The following ISG20 variants were observed in gnomAD, a reference collection of about 807,000 sequenced individuals.
The protein encoded by ISG20 is interferon-stimulated gene 20 kDa protein.
A neutral mutation model predicts 11.1 loss-of-function variants in ISG20; 8 were observed. The ratio of observed to expected loss-of-function variants is 0.72; its 90% CI spans 0.42 to 1.30. The LOEUF is 1.30. ISG20 is among the 50% of genes most tolerant of loss of function. The pLI is 0.01. For missense variants in ISG20, 243 were observed against 250.2 expected (o/e 0.97, Z 0.19); for synonymous variants, 110 against 101.7 (o/e 1.08, Z -0.49).
At chr15:88,638,571 T>C (rs2058022332), upstream of ISG20, among the ~76,000 whole-genome samples, 1 of 152,156 alleles carries the variant, frequency 6.6e-6, no homozygotes, top group African/African-American at 2.4e-5. Context: ...TCCTGCCCAT[T>C]CCAATAAAAG....
At chr15:88,652,602 C>T (rs370987320) in intron 3 of ISG20, among the ~76,000 whole-genome samples, 4 of 89,374 alleles carry the variant, frequency 4.5e-5, no homozygotes, top group East Asian at 3.4e-4. Context: ...GCTCTTCTCC[C>T]CTTCTTCCCC....
At chr15:88,652,348 T>TCCCCCTCCTCCC in intron 3 of ISG20, 38 bp downstream of exon 3, 1 of 856,088 alleles carries the variant, frequency 1.2e-6, no homozygotes, top group Non-Finnish European at 1.5e-6. Context: ...TCCCCCCTCC[T>TCCCCCTCCTCCC]CCCCCTCCTC....
At chr15:88,651,017 C>T (rs1012289457) in intron 2 of ISG20, 4 of 171,626 alleles carry the variant, frequency 2.3e-5, no homozygotes, top group Non-Finnish European at 4.7e-5. Flanking sequence ...ACCTGCCTCA[C>T]CTCCCAAAGT....
At position 88,649,771 on chromosome 15, in the gene ISG20, T is replaced by C. The variant is rs115309070; in HGVS notation, c.229-2339T>C. The C allele has an allele frequency of 4.4e-3, 738 of 167,918 alleles. 5 individuals are homozygous for C. The highest frequency in any genetic ancestry group is 0.016 in the African/African-American group (690 of 42,016). 10.4% of individuals were successfully genotyped at this position (167,918 alleles called of 1,614,324 possible). A position where few individuals can be genotyped will look rare whatever the true frequency, so the allele number is the denominator to read the frequency against. On this transcript the variant is annotated intron_variant, in intron 2 of 3. Transcript: ENST00000306072. ...TAGCACACTCAAGTTTGAGAAGCGC[T>C]GGTGTGGTTCAGGAGCAGCGCCCCT...
chr15:88,654,490 G>A (rs1173168736), intron 3 of ISG20, among the ~76,000 whole-genome samples: 5 of 152,218 alleles, frequency 3.3e-5, no homozygotes, highest in Non-Finnish European at 7.3e-5. Flanking sequence ...GTCCTCTCTC[G>A]ACAGAGGGAC....
chr15:88,641,211 G>C (rs889077163), intron 2 of ISG20, among the ~76,000 whole-genome samples: 2 of 152,088 alleles, frequency 1.3e-5, no homozygotes, highest in Non-Finnish European at 2.9e-5. Flanking sequence ...GGCCAGGCTG[G>C]TCTCGCTCGA....
In ISG20 at chr15:88,639,316, G is replaced by T. The variant is rs1464517065; in HGVS notation, c.-24-27G>T. On this transcript the variant is annotated intron_variant, in intron 1 of 3. Coordinates refer to ENST00000306072, the MANE Select transcript of ISG20 (RefSeq NM_002201.6). This position sits in a 1 kb window ranked among gnomAD's most constrained non-coding sequence, Gnocchi z 4.2. ...GGAGGCTTGGTTTGCCCAAGCGTGA[G>T]ACCGCCCCCCATACCCCTCTCTCCA... The T allele has an allele frequency of 6.9e-7, 1 of 1,447,870 alleles. No individual in the cohort carries two copies. The highest frequency in any genetic ancestry group is 1.2e-5 in the South Asian group (1 of 80,274). The allele number at this position is 1,447,870 out of a possible 1,614,324, so 89.7% of individuals were successfully genotyped here.
intron 2 of ISG20, chr15:88,649,389 C>T (rs1356930588): frequency 6.6e-6 from 1 of 152,216 alleles, no homozygotes; most frequent in African/African-American, 2.4e-5. Flanking sequence ...GATGGGTTTC[C>T]TGGGAATCCA....
In ISG20 at chr15:88,643,766, G is replaced by A. The variant is rs2141393156; in HGVS notation, c.228+4172G>A. On this transcript the variant is annotated intron_variant, in intron 2 of 3. Coordinates refer to ENST00000306072, the MANE Select transcript of ISG20 (RefSeq NM_002201.6). This position sits in a 1 kb window ranked among gnomAD's most constrained non-coding sequence, Gnocchi z 4.4. ...ATTTCTATTGGACAACACTGTTCTAGAAGTACAGATTGAGTAGCCCTTATC... is the reference window on the plus strand; with the variant it reads ...ATTTCTATTGGACAACACTGTTCTAAAAGTACAGATTGAGTAGCCCTTATC... 6.6e-6 allele frequency among the ~76,000 whole-genome samples: 1 copy of A among 152,282 alleles called. No homozygotes were observed. Among genetic ancestry groups the A allele is most frequent in the African/African-American group, 2.4e-5 (1 of 41,552 alleles).
Position 88,655,499 on chromosome 15 carries a change from C to A in ISG20, c.514C>A (p.Arg172=). ...AATCTCCCAGAGAATCCGAGCCCGC[C>A]GAGGGCTGCCCCGCCTGGCTGTGTC... ...YQISQRIRAR[R]GLPRLAVSD Residue 172 remains arginine, a synonymous_variant, in exon 4 of 4, where the codon CGA becomes AGA. Transcript: ENST00000306072. The A allele has an allele frequency of 1.2e-6, 2 of 1,613,766 alleles. No homozygotes were observed. Among genetic ancestry groups the A allele is most frequent in the African/African-American group, 2.7e-5 (2 of 75,054 alleles).
chr15:88,651,841 TACTC>T (rs2058279241), intron 2 of ISG20: 2 of 1,306,252 alleles, frequency 1.5e-6, no homozygotes, highest in Non-Finnish European at 2.0e-6. Flanking sequence ...ACCTGGGAAA[TACTC>T]AGGATGTACT....
chr15:88,655,597 CT>C lies in ISG20; in HGVS notation c.*70del. 8.7e-7 allele frequency: 1 copy of C among 1,143,428 alleles called. No homozygotes were observed. Among genetic ancestry groups the C allele is most frequent in the East Asian group, 2.4e-5 (1 of 42,318 alleles). 70.8% of individuals were successfully genotyped at this position (1,143,428 alleles called of 1,614,324 possible). On this transcript the variant is annotated 3_prime_UTR_variant, in exon 4 of 4. Transcript: ENST00000306072. ...GCTTTTTGGGACAGCAACTACCTTG[CT>C]TTTGGAAAATACATTTTTAATAGTA...
Position 88,650,589 on chromosome 15 carries a change from G to C in ISG20, c.229-1521G>C. 1.5e-6 allele frequency: 1 copy of C among 662,022 alleles called. No homozygotes were observed. The highest frequency in any genetic ancestry group is 2.2e-6 in the Non-Finnish European group (1 of 447,356). The allele number at this position is 662,022 out of a possible 1,614,324, so 41.0% of individuals were successfully genotyped here. ...CGCTCGGCCACCTGCAGTTTGGGCA[G>C]GTGCTCTGCAGCAGGACAGGCCGTC... On this transcript the variant is annotated intron_variant, in intron 2 of 3. Transcript: ENST00000306072. This position sits in a 1 kb window ranked among gnomAD's most constrained non-coding sequence, Gnocchi z 4.0.
chr15:88,654,927 C>T (rs1487554903), intron 3 of ISG20, among the ~76,000 whole-genome samples: 1 of 152,224 alleles, frequency 6.6e-6, no homozygotes, highest in Admixed American at 6.5e-5. Flanking sequence ...CCCCCTGCCC[C>T]CACCCTCGCA....
rs766653600 is a variant in ISG20, at chr15:88,652,224, C to CT, written c.344dup (p.Leu116ValfsTer4). 1.2e-6 allele frequency: 2 copies of CT among 1,614,062 alleles called. No individual in the cohort carries two copies. The highest frequency in any genetic ancestry group is 2.2e-5 in the South Asian group (2 of 91,084). ...AATCTACGACACGTCCACTGACAGG[C>CT]TGTTGTGGCGTGAGGCCAAGCTGGA... On this transcript the variant is annotated frameshift_variant, in exon 3 of 4. Transcript: ENST00000306072. LOFTEE classifies it high-confidence loss of function.
chr15:88,641,625 CTTTTTA>C (rs1338431464), intron 2 of ISG20, among the ~76,000 whole-genome samples: 1 of 152,070 alleles, frequency 6.6e-6, no homozygotes, highest in African/African-American at 2.4e-5. Flanking sequence ...CAAACTTCCT[CTTTTTA>C]TTTTTATTTT....
In ISG20 at chr15:88,650,606, C is replaced by A; in HGVS notation, c.229-1504C>A. On this transcript the variant is annotated intron_variant, in intron 2 of 3. Transcript: ENST00000306072. The surrounding 1 kb of genome is among the most constrained non-coding windows in gnomAD (Gnocchi z 4.0). ...TTTGGGCAGGTGCTCTGCAGCAGGA[C>A]AGGCCGTCAGTTAAGGCACCTTGAA... The A allele has an allele frequency of 1.9e-6, 1 of 522,924 alleles. No individual in the cohort carries two copies. The highest frequency in any genetic ancestry group is 3.1e-6 in the Non-Finnish European group (1 of 327,266). 32.4% of individuals were successfully genotyped at this position (522,924 alleles called of 1,614,324 possible). A position where few individuals can be genotyped will look rare whatever the true frequency, so the allele number is the denominator to read the frequency against.
intron 2 of ISG20, among the ~76,000 whole-genome samples, chr15:88,642,600 T>C (rs1300100615): frequency 6.7e-6 from 1 of 149,328 alleles, no homozygotes; most frequent in East Asian, 2.0e-4. Context: ...GTGCTGAAAG[T>C]GTAAAGTCCA....
At chr15:88,653,878 G>A (rs190212464) in intron 3 of ISG20, among the ~76,000 whole-genome samples, 8 of 152,314 alleles carry the variant, frequency 5.3e-5, no homozygotes, top group East Asian at 3.9e-4. Flanking sequence ...CAAGCTGCGC[G>A]CATGGTAGAC....
Sources: gnomAD v4.1 joint callset for allele counts (sites outside exome capture counted in the v4.1 genomes callset) on GRCh38, gnomAD v4.1.1 for gene constraint, Gnocchi (gnomAD v3.1) non-coding constraint, MANE v1.5 for transcripts, NCBI Gene and HGNC (gene_info 2026-07-23, HGNC 2026-07-21) for gene names.